Variants in DLC1 observed in about 807,000 individuals in gnomAD.
DLC1 encodes the protein rho GTPase-activating protein 7.
In DLC1, 54 loss-of-function variants were observed where a neutral mutation model predicts 140.3. The ratio of observed to expected loss-of-function variants is 0.38; its 90% CI spans 0.31 to 0.48. The LOEUF (loss-of-function observed/expected upper bound fraction) is 0.48. Ranked by LOEUF, DLC1 falls within the 20% of genes least tolerant of loss-of-function variation. The pLI, the probability that DLC1 is intolerant of heterozygous loss-of-function variation, is 0.96. For synonymous variants in DLC1, 986 were observed against 728.1 expected (o/e 1.35, Z -5.70); for missense variants, 2,536 against 1,907.0 (o/e 1.33, Z -6.14).
At chr8:13,172,365 C>T (rs74333339) in intron 5 of DLC1, among the ~76,000 whole-genome samples, 18,459 of 152,156 alleles carry the variant, frequency 0.12, 1,184 homozygotes, top group South Asian at 0.19. Flanking sequence ...AACAGGTATT[C>T]AGTACCTTGT....
At chr8:13,276,160 T>G in intron 5 of DLC1, 41 of 1,443,028 alleles carry the variant, frequency 2.8e-5, no homozygotes, top group Non-Finnish European at 3.7e-5. Context: ...AACCAGCTGA[T>G]GAGATCATTC....
At chr8:13,132,429 TG>T (rs1317555899) in intron 5 of DLC1, among the ~76,000 whole-genome samples, 2 of 151,248 alleles carry the variant, frequency 1.3e-5, no homozygotes, top group Non-Finnish European at 2.9e-5. Context: ...CAGGCAGTGA[TG>T]AAAAAAAAAA....
intron 2 of DLC1, among the ~76,000 whole-genome samples, chr8:13,455,161 A>G (rs2116996831): frequency 6.6e-6 from 1 of 152,344 alleles, no homozygotes; most frequent in South Asian, 2.1e-4. Flanking sequence ...TTTATTTATT[A>G]AAGCAAATAT....
chr8:13,536,747 T>G (rs746462188), intron 1 of DLC1, among the ~76,000 whole-genome samples: 91 of 152,286 alleles, frequency 6.0e-4, no homozygotes, highest in South Asian at 1.5e-3. Flanking sequence ...CCAATGGTGT[T>G]TTTTTGAAGA....
chr8:13,143,847 A>T (rs1426323192), intron 5 of DLC1, among the ~76,000 whole-genome samples: 1 of 147,670 alleles, frequency 6.8e-6, no homozygotes, highest in Admixed American at 6.8e-5. Context: ...AGAGAGAGAG[A>T]GAGAGACATA....
At chr8:13,386,152 T>G (rs1215307811) in intron 4 of DLC1, among the ~76,000 whole-genome samples, 2 of 152,206 alleles carry the variant, frequency 1.3e-5, no homozygotes, top group African/African-American at 4.8e-5. Flanking sequence ...CTCATTGTAA[T>G]GATGATAGCA....
In DLC1 at chr8:13,514,361, A is replaced by T. The variant is rs185189972; in HGVS notation, c.-126+241T>A. Among the ~76,000 whole-genome samples the T allele has an allele frequency of 3.9e-5, 6 of 152,312 alleles. No homozygotes were observed. In the East Asian group the frequency reaches 1.2e-3, roughly 29 times the overall value. ...TAAACGTAAAAAGGGATAAAAATAA[A>T]ATCTTACTTTATGGAGGAAAAGAGT... On this transcript the variant is annotated intron_variant, in intron 1 of 17. Transcript: ENST00000276297.
chr8:13,091,534 C>T (rs1483156512), intron 13 of DLC1, 102 bp from the exon 14 acceptor site: 6 of 986,996 alleles, frequency 6.1e-6, no homozygotes, highest in Non-Finnish European at 8.8e-6. Context: ...AAAAAATTTT[C>T]ACTGGAATCT....
At position 13,402,533 on chromosome 8, in the gene DLC1, G is replaced by A. The variant is rs562841654; in HGVS notation, c.1024-914C>T. ...AGAGAAATGTCGCACATGCAGTGTT[G>A]GCTCTTTTGAGGCAAGTCATCATTT... On this transcript the variant is annotated intron_variant, in intron 2 of 17. Coordinates refer to ENST00000276297, the MANE Select transcript of DLC1 (RefSeq NM_182643.3). Among the ~76,000 whole-genome samples the A allele has an allele frequency of 2.5e-4, 38 of 152,282 alleles. No homozygotes were observed. In the South Asian group the frequency reaches 7.5e-3, roughly 30 times the overall value.
intron 7 of DLC1, among the ~76,000 whole-genome samples, chr8:13,105,010 C>G (rs1359782628): frequency 1.3e-5 from 2 of 152,172 alleles, no homozygotes; most frequent in African/African-American, 4.8e-5. Flanking sequence ...AGTCTTAGGT[C>G]TGGGTTCCAT....
chr8:13,444,879 TGTAA>T (rs1429221637), intron 2 of DLC1, among the ~76,000 whole-genome samples: 3 of 152,044 alleles, frequency 2.0e-5, no homozygotes, highest in Admixed American at 1.3e-4. Context: ...CACAAAAAAG[TGTAA>T]GTGTTAAAAC....
intron 1 of DLC1, among the ~76,000 whole-genome samples, chr8:13,509,571 A>G (rs1175920125): frequency 2.6e-5 from 4 of 152,232 alleles, no homozygotes; most frequent in Admixed American, 6.5e-5. Flanking sequence ...TTATAGTAAA[A>G]ACATCCTTCA....
intron 4 of DLC1, among the ~76,000 whole-genome samples, chr8:13,322,476 T>C (rs112236633): frequency 3.0e-3 from 254 of 83,892 alleles, no homozygotes; most frequent in African/African-American, 7.3e-3. Flanking sequence ...TTGGATTTCA[T>C]ATACATCTGA....
intron 5 of DLC1, among the ~76,000 whole-genome samples, chr8:13,297,565 C>T (rs549225659): frequency 2.0e-5 from 3 of 152,092 alleles, no homozygotes; most frequent in Admixed American, 6.6e-5. Context: ...TACAATAATA[C>T]CAGGCATTGG....
chr8:13,158,156 C>T (rs1420180299), intron 5 of DLC1, among the ~76,000 whole-genome samples: 3 of 152,124 alleles, frequency 2.0e-5, no homozygotes, highest in Non-Finnish European at 4.4e-5. Context: ...TATAAAAGCC[C>T]ATGTTTTTAA....
At chr8:13,293,399 G>A (rs911197644) in intron 5 of DLC1, among the ~76,000 whole-genome samples, 1 of 152,218 alleles carries the variant, frequency 6.6e-6, no homozygotes, top group South Asian at 2.1e-4. Flanking sequence ...GGCTGAAAGA[G>A]ACGGGGTGGA....
At chr8:13,337,193 C>G (rs1394843383) in intron 4 of DLC1, among the ~76,000 whole-genome samples, 1 of 152,104 alleles carries the variant, frequency 6.6e-6, no homozygotes, top group Non-Finnish European at 1.5e-5. Flanking sequence ...ATGCAGCACA[C>G]AAAAGGTGGC....
chr8:13,567,092 C>G (rs573686073), intron 1 of DLC1: 1 of 1,551,772 alleles, frequency 6.4e-7, no homozygotes, highest in East Asian at 2.4e-5. Context: ...GAGGTACAGA[C>G]TTCCAGCTCA....
chr8:13,336,117 GAATT>G (rs888509130), intron 4 of DLC1, among the ~76,000 whole-genome samples: 3 of 152,040 alleles, frequency 2.0e-5, no homozygotes, highest in African/African-American at 7.2e-5. Context: ...AAATATAATT[GAATT>G]AATTATTTTC....
Sources: gnomAD v4.1 joint callset for allele counts (sites outside exome capture counted in the v4.1 genomes callset) on GRCh38, gnomAD v4.1.1 for gene constraint, MANE v1.5 for transcripts, NCBI Gene and HGNC (gene_info 2026-07-23, HGNC 2026-07-21) for gene names.